Variants in GABRB3 observed in about 807,000 individuals in gnomAD.
GABRB3 encodes the protein gamma-aminobutyric acid receptor subunit beta-3.
In GABRB3, 14 loss-of-function variants were observed where a neutral mutation model predicts 52.1. The ratio of observed to expected loss-of-function variants is 0.27; its 90% CI spans 0.18 to 0.42. GABRB3 has a LOEUF of 0.42. Among genes scored for constraint, GABRB3 ranks in the 10% least tolerant of loss-of-function variants. GABRB3 has a pLI of 1.00. For missense variants in GABRB3, 307 were observed against 609.1 expected (o/e 0.50, Z 5.22); for synonymous variants, 260 against 232.3 (o/e 1.12, Z -1.08).
At position 26,649,734 on chromosome 15, in the gene GABRB3, C is replaced by T. The variant is rs191807735; in HGVS notation, c.241-28200G>A. Among the ~76,000 whole-genome samples, 116 of 136,550 alleles carry T rather than the reference C, an allele frequency of 8.5e-4. No homozygotes were observed. The Middle Eastern group carries it at 0.016, about 19-fold the overall frequency. 89.6% of individuals were successfully genotyped at this position (136,550 alleles called of 152,430 possible). A position where few individuals can be genotyped will look rare whatever the true frequency, so the allele number is the denominator to read the frequency against. ...ACAGGGAGAGAGAGAGAAGATAAGT[C>T]GATAAAAGAATGGACGGATGGATGC... On this transcript the variant is annotated intron_variant, in intron 3 of 8. Transcript: ENST00000311550.
chr15:26,731,255 T>TAAAA (rs1427723651), intron 3 of GABRB3, among the ~76,000 whole-genome samples: 9 of 152,184 alleles, frequency 5.9e-5, no homozygotes, highest in African/African-American at 2.2e-4. Flanking sequence ...ATAAACATCA[T>TAAAA]GAAGAAAACC....
intron 3 of GABRB3, among the ~76,000 whole-genome samples, chr15:26,721,414 C>G (rs971108064): frequency 6.6e-6 from 1 of 151,962 alleles, no homozygotes; most frequent in Non-Finnish European, 1.5e-5. Flanking sequence ...CCGCTGAAAT[C>G]TGCATAACAA....
At chr15:26,646,279 A>G (rs1893345750) in intron 3 of GABRB3, among the ~76,000 whole-genome samples, 3 of 152,164 alleles carry the variant, frequency 2.0e-5, no homozygotes, top group Non-Finnish European at 4.4e-5. Context: ...GGATTTGCCT[A>G]TTCTGGACAT....
At chr15:26,765,631 A>G (rs1395138305) in intron 3 of GABRB3, among the ~76,000 whole-genome samples, 2 of 152,160 alleles carry the variant, frequency 1.3e-5, no homozygotes, top group South Asian at 4.1e-4. Flanking sequence ...TATCTATTGA[A>G]TATTGGATCC....
chr15:26,762,276 A>C (rs1023380317), intron 3 of GABRB3, among the ~76,000 whole-genome samples: 2 of 152,240 alleles, frequency 1.3e-5, no homozygotes, highest in African/African-American at 2.4e-5. Context: ...CAAGTGCTTT[A>C]ATCTTCATTT....
intron 8 of GABRB3, among the ~76,000 whole-genome samples, chr15:26,556,603 G>A (rs978428908): frequency 3.9e-5 from 6 of 152,164 alleles, no homozygotes; most frequent in African/African-American, 1.4e-4. Flanking sequence ...CAAACAGATG[G>A]TATGCACAAA....
chr15:26,639,850 C>T (rs1240545897), intron 3 of GABRB3, among the ~76,000 whole-genome samples: 2 of 152,074 alleles, frequency 1.3e-5, no homozygotes, highest in Non-Finnish European at 2.9e-5. Flanking sequence ...CTAATTATTC[C>T]CTTTCAGTGA....
chr15:26,727,987 A>G (rs940302035), intron 3 of GABRB3, among the ~76,000 whole-genome samples: 2 of 152,212 alleles, frequency 1.3e-5, no homozygotes, highest in South Asian at 4.1e-4. Flanking sequence ...CTAGAATACA[A>G]TACTTGAGAG....
In GABRB3 at chr15:26,747,952, CTTTTTTTTTTT is replaced by C. The variant is rs57157481; in HGVS notation, c.240+24439_240+24449del. The stretch of plus-strand genomic sequence containing the variant: ...GAATGGGTATTGTATTTTTCAAATG[CTTTTTTTTTTT>C]TTTTTTTTTTTTTTTGCCTACAATT... On this transcript the variant is annotated intron_variant, in intron 3 of 8. Coordinates refer to ENST00000311550, the MANE Select transcript of GABRB3 (RefSeq NM_000814.6). 1.1e-3 allele frequency among the ~76,000 whole-genome samples: 97 copies of C among 87,450 alleles called. 1 individual carries two copies. The highest frequency in any genetic ancestry group is 8.1e-3 in the Middle Eastern group (1 of 124). 57.4% of individuals were successfully genotyped at this position (87,450 alleles called of 152,430 possible).
intron 3 of GABRB3, among the ~76,000 whole-genome samples, chr15:26,697,150 T>C (rs1303942911): frequency 6.6e-6 from 1 of 152,196 alleles, no homozygotes; most frequent in Non-Finnish European, 1.5e-5. Flanking sequence ...GAGTGCTAAA[T>C]GCATGGAAAG....
At position 26,772,408 on chromosome 15, in the gene GABRB3, G is replaced by C; in HGVS notation, c.234C>G (p.Val78=). 1 of 1,609,224 alleles carries C rather than the reference G, an allele frequency of 6.2e-7. No individual in the cohort carries two copies. Among genetic ancestry groups the C allele is most frequent in the South Asian group, 1.1e-5 (1 of 90,340 alleles). Reference sequence around the variant, plus strand: ...TGGGAGGGCGGGCACTCACCATGTTGACTTCGGAAACCATGTCGATGCTGG... The same window carrying C: ...TGGGAGGGCGGGCACTCACCATGTTCACTTCGGAAACCATGTCGATGCTGG... The part of the protein sequence containing the change: ...DIASIDMVSE[V]NMDYTLTMYF... The change falls in exon 3 of 9, where the codon GTC becomes GTG. Residue 78 remains valine, a synonymous_variant. Coordinates refer to ENST00000311550, the MANE Select transcript of GABRB3 (RefSeq NM_000814.6).
At chr15:26,758,745 A>C (rs984952622) in intron 3 of GABRB3, among the ~76,000 whole-genome samples, 2 of 152,138 alleles carry the variant, frequency 1.3e-5, no homozygotes, top group Non-Finnish European at 2.9e-5. Context: ...ACTTTGAAAG[A>C]AGCAGCCATA....
At chr15:26,623,929 T>G (rs1056862359) in intron 3 of GABRB3, among the ~76,000 whole-genome samples, 1 of 152,138 alleles carries the variant, frequency 6.6e-6, no homozygotes, top group Non-Finnish European at 1.5e-5. Flanking sequence ...CACACTCTCC[T>G]CTCAATGGCA....
Position 26,677,503 on chromosome 15 carries a change from C to A in GABRB3, c.241-55969G>T, listed in dbSNP as rs552866804. On this transcript the variant is annotated intron_variant, in intron 3 of 8. Transcript: ENST00000311550. ...GCCATCCTTCTCCACCCGGGAGACA[C>A]CACATATGCACTTTACAGAATTCTA... 6.8e-4 allele frequency among the ~76,000 whole-genome samples: 103 copies of A among 152,246 alleles called. No homozygotes were observed. The Middle Eastern group carries it at 0.01, about 15-fold the overall frequency.
intron 5 of GABRB3, among the ~76,000 whole-genome samples, chr15:26,582,221 C>T (rs1442280699): frequency 1.3e-5 from 2 of 152,166 alleles, no homozygotes; most frequent in Non-Finnish European, 2.9e-5. Context: ...GCGGCAGAGT[C>T]CTCTCTCTCA....
At chr15:26,581,600 C>T (rs2140733449) in intron 5 of GABRB3, among the ~76,000 whole-genome samples, 1 of 152,338 alleles carries the variant, frequency 6.6e-6, no homozygotes, top group South Asian at 2.1e-4. Context: ...TCTCATTCAC[C>T]CAGCCAGGCC....
intron 3 of GABRB3, among the ~76,000 whole-genome samples, chr15:26,705,614 A>G (rs1889074212): frequency 6.6e-6 from 1 of 152,222 alleles, no homozygotes; most frequent in Non-Finnish European, 1.5e-5. Context: ...AACAAAACAA[A>G]CAAACAAAAA....
At chr15:26,646,812 C>G (rs560940714) in intron 3 of GABRB3, among the ~76,000 whole-genome samples, 5 of 152,252 alleles carry the variant, frequency 3.3e-5, no homozygotes, top group African/African-American at 1.2e-4. Flanking sequence ...TGTTAACTGT[C>G]TTTTCCCTAT....
At chr15:26,699,697 A>T (rs1252195181) in intron 3 of GABRB3, among the ~76,000 whole-genome samples, 1 of 152,158 alleles carries the variant, frequency 6.6e-6, no homozygotes, top group South Asian at 2.1e-4. Flanking sequence ...TAGAACTTGC[A>T]GGAGAAAAGG....
Sources: allele counts gnomAD v4.1 joint callset (sites outside exome capture counted in the v4.1 genomes callset), GRCh38; gene constraint gnomAD v4.1.1; transcripts MANE v1.5; gene names NCBI Gene and HGNC (gene_info 2026-07-23, HGNC 2026-07-21).